The following CKM variants were observed in gnomAD, a reference collection of about 807,000 sequenced individuals.
CKM encodes the protein creatine kinase M-type.
Under a neutral mutation model 35.4 loss-of-function variants are expected in CKM, and 28 were observed. The ratio of observed to expected loss-of-function variants is 0.79; its 90% CI spans 0.59 to 1.08. The LOEUF (loss-of-function observed/expected upper bound fraction) is 1.08. Ranked by LOEUF, CKM falls within the 50% of genes least tolerant of loss-of-function variation. CKM has a pLI of 0.00. For missense variants in CKM, 484 were observed against 509.8 expected, an observed-to-expected ratio of 0.95 and a Z score of 0.49; for synonymous variants, 215 against 204.4, an observed-to-expected ratio of 1.05 and a Z score of -0.44.
intron 1 of CKM, among the ~76,000 whole-genome samples, chr19:45,320,611 G>A (rs1971204599): frequency 6.6e-6 from 1 of 152,180 alleles, no homozygotes; most frequent in African/African-American, 2.4e-5. Context: ...TCCCCAGGTG[G>A]AAAACGGGCC....
chr19:45,308,405 C>G lies in CKM; in HGVS notation c.777+4G>C, dbSNP rs774740509. On this transcript the variant is annotated splice_donor_region_variant and intron_variant, in intron 6 of 7. Coordinates refer to ENST00000221476, the MANE Select transcript of CKM (RefSeq NM_001824.5). The stretch of plus-strand genomic sequence containing the variant: ...GAAGTCAGCAGCTAAGGGCAGACAC[C>G]CACCTTCTGCAGCCCTACGCAGAAG... 10 of 1,614,136 alleles carry G rather than the reference C, an allele frequency of 6.2e-6. No individual in the cohort carries two copies. Among genetic ancestry groups the G allele is most frequent in the Non-Finnish European group, 8.5e-6 (10 of 1,179,984 alleles).
intron 3 of CKM, among the ~76,000 whole-genome samples, chr19:45,316,977 G>A (rs1402438224): frequency 6.6e-6 from 1 of 151,874 alleles, no homozygotes; most frequent in Non-Finnish European, 1.5e-5. Context: ...GAGCCACTGT[G>A]CCCGGCTATG....
intron 3 of CKM, 73 bp from the exon 4 acceptor site, chr19:45,315,670 T>C (rs535028677): frequency 6.4e-7 from 1 of 1,568,450 alleles, no homozygotes; most frequent in African/African-American, 1.3e-5. Flanking sequence ...CTCCCCCAGA[T>C]GCTCCCCTCA....
chr19:45,320,394 G>A (rs761668893), intron 1 of CKM, among the ~76,000 whole-genome samples: 7 of 152,234 alleles, frequency 4.6e-5, no homozygotes, highest in Admixed American at 2.6e-4. Flanking sequence ...ACTGTGCCCC[G>A]CCTAGCTCGC....
intron 1 of CKM, among the ~76,000 whole-genome samples, chr19:45,321,076 G>GTTTTTTTTTTTTTTT (rs1180664675): frequency 1.5e-5 from 2 of 130,932 alleles, no homozygotes; most frequent in Non-Finnish European, 1.7e-5. Context: ...TTTTTTTTTG[G>GTTTTTTTTTTTTTTT]TATTTTTAGT....
At chr19:45,318,414 A>G (rs565434890) in intron 2 of CKM, among the ~76,000 whole-genome samples, 31 of 147,270 alleles carry the variant, frequency 2.1e-4, no homozygotes, top group South Asian at 4.3e-4. Context: ...CTCCAAAGGA[A>G]AAAAAAAAAA....
At chr19:45,310,666 G>A (rs1048344476) in intron 5 of CKM, among the ~76,000 whole-genome samples, 5 of 151,074 alleles carry the variant, frequency 3.3e-5, no homozygotes, top group South Asian at 2.1e-4. Context: ...GCAGTACCTC[G>A]GTCATGATTC....
At chr19:45,314,836 T>G (rs1739225591) in intron 4 of CKM, among the ~76,000 whole-genome samples, 1 of 151,908 alleles carries the variant, frequency 6.6e-6, no homozygotes, top group African/African-American at 2.4e-5. Context: ...CTCAGTCTCC[T>G]GAGTAGCTGG....
rs1184494036 is a variant in CKM, at chr19:45,306,717, G to T, written c.*33C>A. On this transcript the variant is annotated 3_prime_UTR_variant, in exon 8 of 8. Coordinates refer to ENST00000221476, the MANE Select transcript of CKM (RefSeq NM_001824.5). The surrounding 1 kb of genome is among the most constrained non-coding windows in gnomAD (Gnocchi z 4.5). Reference sequence around the variant, plus strand: ...GTGGGCCAGGCCCTCCCACTGGCTGGGTTCCAGCAGTCGGTGGCAGGTGGG... The same window carrying T: ...GTGGGCCAGGCCCTCCCACTGGCTGTGTTCCAGCAGTCGGTGGCAGGTGGG... 1.9e-6 allele frequency: 3 copies of T among 1,612,352 alleles called. No homozygotes were observed. Among genetic ancestry groups the T allele is most frequent in the Non-Finnish European group, 1.7e-6 (2 of 1,179,170 alleles).
At chr19:45,313,129 G>GT (rs1044670149) in intron 4 of CKM, among the ~76,000 whole-genome samples, 4 of 151,980 alleles carry the variant, frequency 2.6e-5, no homozygotes, top group African/African-American at 9.7e-5. Flanking sequence ...CAGATACTGT[G>GT]TTTTTTACAA....
At chr19:45,311,704 G>A in intron 5 of CKM, 45 bp downstream of exon 5, 5 of 1,512,660 alleles carry the variant, frequency 3.3e-6, no homozygotes, top group Non-Finnish European at 3.6e-6. Flanking sequence ...CAGGACTGGA[G>A]GAGGCTGGGG....
At chr19:45,315,689 G>T (rs1350177730) in intron 3 of CKM, 92 bp from the exon 4 acceptor site, 2 of 1,524,480 alleles carry the variant, frequency 1.3e-6, no homozygotes, top group Admixed American at 3.8e-5. Flanking sequence ...CAGTCTCCCT[G>T]TTGCTTCCTT....
chr19:45,308,789 G>A (rs746440985), intron 5 of CKM, among the ~76,000 whole-genome samples: 7 of 152,184 alleles, frequency 4.6e-5, no homozygotes, highest in Non-Finnish European at 7.3e-5. Context: ...AGATCCTTGG[G>A]ATCTCAGGAT....
At position 45,319,511 on chromosome 19, in the gene CKM, G is replaced by A. The variant is rs1008354327; in HGVS notation, c.193+10C>T. 1 of 1,612,586 alleles carries A rather than the reference G, an allele frequency of 6.2e-7. No individual in the cohort carries two copies. Among genetic ancestry groups the A allele is most frequent in the South Asian group, 1.1e-5 (1 of 91,030 alleles). ...TGTAGCCCCTTCAGTGCTCCACTGGGGAGGCTCACCTGGGTTGTCCACTCC... is the reference window on the plus strand; with the variant it reads ...TGTAGCCCCTTCAGTGCTCCACTGGAGAGGCTCACCTGGGTTGTCCACTCC... On this transcript the variant is annotated intron_variant, in intron 2 of 7. Transcript: ENST00000221476.
chr19:45,320,382 C>T (rs1971202603), intron 1 of CKM, among the ~76,000 whole-genome samples: 1 of 152,240 alleles, frequency 6.6e-6, no homozygotes, highest in Non-Finnish European at 1.5e-5. Context: ...CAGGCGTGAG[C>T]CACTGTGCCC....
chr19:45,315,870 G>GTC (rs774910567), intron 3 of CKM, among the ~76,000 whole-genome samples: 1 of 53,228 alleles, frequency 1.9e-5, no homozygotes, highest in Non-Finnish European at 6.3e-5. Flanking sequence ...TCGAGACAGG[G>GTC]TCTCTCTCTG....
rs777073631 is a variant in CKM at position 45,311,819 on chromosome 19, C to T, written c.583G>A (p.Asp195Asn). ...QQLIDDHFLF[D>N]KPVSPLLLAS... Reference sequence around the variant, plus strand: ...AGCAGCAGCGGGGACACGGGCTTGTCGAACAGGAAGTGGTCATCGATGAGC... The same window carrying T: ...AGCAGCAGCGGGGACACGGGCTTGTTGAACAGGAAGTGGTCATCGATGAGC... The change falls in exon 5 of 8, where the codon GAC becomes AAC. Residue 195 changes from aspartate (D) to asparagine (N), a missense_variant. Physicochemically the swap from Asp to Asn is conservative, Grantham distance 23. Coordinates refer to ENST00000221476, the MANE Select transcript of CKM (RefSeq NM_001824.5). The T allele has an allele frequency of 1.3e-5, 21 of 1,612,240 alleles. No homozygotes were observed. The highest frequency in any genetic ancestry group is 1.6e-5 in the Non-Finnish European group (19 of 1,179,376).
intron 5 of CKM, 82 bp from the exon 6 acceptor site, chr19:45,308,614 C>T (rs1452173478): frequency 6.3e-7 from 1 of 1,590,888 alleles, no homozygotes; most frequent in African/African-American, 1.3e-5. Context: ...AAACATCTGC[C>T]CACCGATGGG....
intron 5 of CKM, among the ~76,000 whole-genome samples, chr19:45,309,413 G>T (rs1335648520): frequency 1.3e-5 from 2 of 151,650 alleles, no homozygotes; most frequent in African/African-American, 2.4e-5. Context: ...AAATTAGCAG[G>T]CATGGTGGGA....
Sources: allele counts gnomAD v4.1 joint callset (sites outside exome capture counted in the v4.1 genomes callset), GRCh38; gene constraint gnomAD v4.1.1; non-coding constraint Gnocchi (gnomAD v3.1); transcripts MANE v1.5; gene names NCBI Gene and HGNC (gene_info 2026-07-23, HGNC 2026-07-21).